The following CPNE8 variants were observed in gnomAD, a reference collection of about 807,000 sequenced individuals.
The protein encoded by CPNE8 is copine 8, also known as copine-8.
Under a neutral mutation model 81.5 loss-of-function variants are expected in CPNE8, and 45 were observed. The ratio of observed to expected loss-of-function variants is 0.55; its 90% CI spans 0.44 to 0.71. The LOEUF (loss-of-function observed/expected upper bound fraction) is 0.71, where lower values mean the gene tolerates loss of function less well. Ranked by LOEUF, CPNE8 falls within the 30% of genes least tolerant of loss-of-function variation. CPNE8 has a pLI of 0.00. For missense variants in CPNE8, 594 were observed against 672.1 expected, an observed-to-expected ratio of 0.88 and a Z score of 1.28; for synonymous variants, 252 against 226.3, an observed-to-expected ratio of 1.11 and a Z score of -1.02.
chr12:38,748,018 A>AT (rs894852412), intron 10 of CPNE8, among the ~76,000 whole-genome samples: 7 of 151,782 alleles, frequency 4.6e-5, no homozygotes, highest in Admixed American at 2.6e-4. Context: ...TTATTTATTT[A>AT]TTTTTTTTAT....
At position 38,767,647 on chromosome 12, in the gene CPNE8, T is replaced by A. The variant is rs770050977; in HGVS notation, c.563A>T (p.Asn188Ile). The part of the protein sequence containing the change: ...SDPFLVFYRS[N>I]EDGSFTICHK... ...AAGATAAATCTACCTGCCATCTTCA[T>A]TACTTCGATAAAATACAAGGAAAGG... Residue 188 changes from asparagine (N) to isoleucine (I), a missense_variant, in exon 8 of 20, where the codon AAT (asparagine) becomes ATT (isoleucine). Transcript: ENST00000331366. 14 of 1,556,794 alleles carry A rather than the reference T, an allele frequency of 9.0e-6. No homozygotes were observed. The highest frequency in any genetic ancestry group is 1.1e-5 in the Non-Finnish European group (13 of 1,157,592).
intron 5 of CPNE8, among the ~76,000 whole-genome samples, chr12:38,830,738 G>C (rs1249649262): frequency 2.0e-5 from 3 of 152,164 alleles, no homozygotes; most frequent in Admixed American, 6.5e-5. Flanking sequence ...ACTGTTCTCA[G>C]ATGAAAGAAA....
At chr12:38,774,674 G>A (rs77909824) in intron 7 of CPNE8, among the ~76,000 whole-genome samples, 1,964 of 151,736 alleles carry the variant, frequency 0.013, 45 homozygotes, top group African/African-American at 0.044. Context: ...CTTCAAATAC[G>A]AAAAGTAAAA....
chr12:38,836,501 C>T (rs907907368), intron 5 of CPNE8, among the ~76,000 whole-genome samples: 26 of 151,924 alleles, frequency 1.7e-4, no homozygotes, highest in African/African-American at 6.3e-4. Flanking sequence ...TAAAGTCATC[C>T]TGAGAGAAAA....
intron 11 of CPNE8, 116 bp from the exon 12 acceptor site, chr12:38,725,015 T>C: frequency 1.1e-6 from 1 of 907,312 alleles, no homozygotes; most frequent in South Asian, 1.5e-5. Flanking sequence ...CATGTATTCA[T>C]TTACAAATGC....
chr12:38,891,263 G>T, intron 1 of CPNE8, among the ~76,000 whole-genome samples: 1 of 151,826 alleles, frequency 6.6e-6, no homozygotes, highest in South Asian at 2.1e-4. Flanking sequence ...ATGTACTGTG[G>T]CCACCTCTAA....
intron 6 of CPNE8, among the ~76,000 whole-genome samples, chr12:38,789,324 C>T (rs1056388231): frequency 1.3e-5 from 2 of 151,826 alleles, no homozygotes; most frequent in African/African-American, 4.8e-5. Context: ...TCATTTTCAA[C>T]AGAGGTGCCA....
chr12:38,826,386 G>T (rs1448609514), intron 6 of CPNE8, among the ~76,000 whole-genome samples: 1 of 152,216 alleles, frequency 6.6e-6, no homozygotes, highest in Admixed American at 6.5e-5. Context: ...TGTGGTTACT[G>T]TAGATCCATG....
At chr12:38,779,063 CTCT>C (rs1235723926) in intron 6 of CPNE8, among the ~76,000 whole-genome samples, 5 of 152,154 alleles carry the variant, frequency 3.3e-5, no homozygotes, top group African/African-American at 9.7e-5. Context: ...CTGTACCTTT[CTCT>C]TCTTCTTTCT....
intron 5 of CPNE8, among the ~76,000 whole-genome samples, chr12:38,835,352 T>C (rs1300154700): frequency 6.6e-6 from 1 of 152,236 alleles, no homozygotes; most frequent in Admixed American, 6.5e-5. Flanking sequence ...AGCTTCTGAC[T>C]ACTGGTGCTT....
intron 6 of CPNE8, among the ~76,000 whole-genome samples, chr12:38,782,876 C>T (rs975722141): frequency 6.6e-6 from 1 of 151,954 alleles, no homozygotes; most frequent in Non-Finnish European, 1.5e-5. Flanking sequence ...GACAGGGTCT[C>T]ACTATGTTGC....
rs1942487874 is a variant in CPNE8, at chr12:38,796,792, T to A, written c.408-20491A>T. Among the ~76,000 whole-genome samples the A allele has an allele frequency of 3.9e-5, 6 of 151,972 alleles. No homozygotes were observed. The South Asian group carries it at 1.3e-3, about 32-fold the overall frequency. On this transcript the variant is annotated intron_variant, in intron 6 of 19. Coordinates refer to ENST00000331366, the MANE Select transcript of CPNE8 (RefSeq NM_153634.3). ...GTGGTCAGGGAGTTCCCTTTCCTAG[T>A]CAAAGAAAGGGGTGACAGGCGGCAC... is the stretch of plus-strand genomic sequence containing the variant.
intron 3 of CPNE8, among the ~76,000 whole-genome samples, chr12:38,862,930 G>A (rs1943859896): frequency 6.6e-6 from 1 of 152,144 alleles, no homozygotes; most frequent in African/African-American, 2.4e-5. Context: ...GCCTGGATGA[G>A]AGAATGAGAC....
intron 6 of CPNE8, among the ~76,000 whole-genome samples, chr12:38,785,767 G>C (rs536447853): frequency 6.6e-6 from 1 of 152,102 alleles, no homozygotes; most frequent in East Asian, 1.9e-4. Flanking sequence ...GAGGAACAAA[G>C]TTAAAGCATA....
At chr12:38,744,294 T>G (rs1286047664) in intron 10 of CPNE8, among the ~76,000 whole-genome samples, 7 of 152,184 alleles carry the variant, frequency 4.6e-5, no homozygotes, top group Non-Finnish European at 8.8e-5. Flanking sequence ...AATCACGAAT[T>G]CCAGTATTGT....
At chr12:38,745,179 G>A (rs1615648) in intron 10 of CPNE8, among the ~76,000 whole-genome samples, 14,854 of 152,062 alleles carry the variant, frequency 0.098, 938 homozygotes, top group East Asian at 0.25. Flanking sequence ...ACATTATAAC[G>A]TACTCAGAAC....
chr12:38,785,370 C>A (rs1311638433), intron 6 of CPNE8, among the ~76,000 whole-genome samples: 1 of 149,494 alleles, frequency 6.7e-6, no homozygotes, highest in Admixed American at 6.6e-5. Flanking sequence ...AAAAAAAAAA[C>A]ATGATATGGT....
At chr12:38,718,681 T>A (rs563854838) in intron 13 of CPNE8, among the ~76,000 whole-genome samples, 1 of 152,290 alleles carries the variant, frequency 6.6e-6, no homozygotes, top group East Asian at 1.9e-4. Context: ...TCCAATAACA[T>A]TATTTCTAGG....
intron 1 of CPNE8, among the ~76,000 whole-genome samples, chr12:38,894,936 C>T (rs544985248): frequency 9.9e-5 from 15 of 152,122 alleles, no homozygotes; most frequent in South Asian, 4.1e-4. Flanking sequence ...GAAACAATTA[C>T]ATTTCTCAAA....
Sources: gnomAD v4.1 joint callset for allele counts (sites outside exome capture counted in the v4.1 genomes callset) on GRCh38, gnomAD v4.1.1 for gene constraint, MANE v1.5 for transcripts, NCBI Gene and HGNC (gene_info 2026-07-23, HGNC 2026-07-21) for gene names.